EYA2: variants seen among roughly 807,000 people sequenced by gnomAD.
EYA2 encodes EYA transcriptional coactivator and phosphatase 2.
EYA2 carries 31 observed loss-of-function variants against 69.2 expected under a neutral mutation model. The ratio of observed to expected loss-of-function variants is 0.45; its 90% confidence interval spans 0.34 to 0.60. The LOEUF (loss-of-function observed/expected upper bound fraction) is 0.60, where lower values mean the gene tolerates loss of function less well. Among genes scored for constraint, EYA2 ranks in the 20% least tolerant of loss-of-function variants. The pLI is 0.02. For synonymous variants in EYA2, 257 were observed against 279.4 expected (o/e 0.92, Z 0.80); for missense variants, 622 against 701.2 (o/e 0.89, Z 1.28).
intron 9 of EYA2, chr20:47,117,458 C>A (rs907783268): frequency 1.0e-6 from 1 of 985,152 alleles, no homozygotes; most frequent in Non-Finnish European, 1.2e-6. Context: ...CACAGCTCCT[C>A]GACCGGCTCC....
At chr20:47,136,100 C>A (rs76465411) in intron 9 of EYA2, among the ~76,000 whole-genome samples, 2,682 of 152,126 alleles carry the variant, frequency 0.018, 119 homozygotes, top group East Asian at 0.17. Context: ...TTCATTAAAA[C>A]AATTTTTTGG....
chr20:47,074,487 G>A (rs972071944), intron 7 of EYA2, 152 bp downstream of exon 7: 6 of 740,150 alleles, frequency 8.1e-6, no homozygotes, highest in African/African-American at 5.3e-5. Flanking sequence ...GAGGGACCTG[G>A]ATATGGGTCC....
At chr20:46,934,032 G>C (rs1225861550) in intron 1 of EYA2, among the ~76,000 whole-genome samples, 2 of 152,250 alleles carry the variant, frequency 1.3e-5, no homozygotes, top group Non-Finnish European at 2.9e-5. Flanking sequence ...GACCTCACGT[G>C]ACAGTGCCAG....
intron 9 of EYA2, among the ~76,000 whole-genome samples, chr20:47,107,997 T>TG (rs1338217185): frequency 1.3e-5 from 2 of 152,158 alleles, no homozygotes; most frequent in Non-Finnish European, 2.9e-5. Flanking sequence ...GCAAAGGCCC[T>TG]GCAGCAGAAG....
chr20:47,084,900 A>T (rs2031844808), intron 7 of EYA2, among the ~76,000 whole-genome samples: 1 of 143,662 alleles, frequency 7.0e-6, no homozygotes, highest in Non-Finnish European at 1.5e-5. Context: ...CAGTGGTGTG[A>T]TCATAGCTCA....
At chr20:47,099,666 A>G (rs1249953382) in intron 9 of EYA2, among the ~76,000 whole-genome samples, 4 of 152,168 alleles carry the variant, frequency 2.6e-5, no homozygotes, top group Admixed American at 6.5e-5. Flanking sequence ...ATAATCTAAG[A>G]TGTTCTAGAA....
chr20:47,113,856 G>GTTTTT (rs35238851), intron 9 of EYA2, among the ~76,000 whole-genome samples: 1 of 147,668 alleles, frequency 6.8e-6, no homozygotes. Context: ...TCCTAGATGG[G>GTTTTT]TTTTTTTTTT....
At chr20:47,152,566 C>G (rs909222170) in intron 10 of EYA2, among the ~76,000 whole-genome samples, 8 of 151,752 alleles carry the variant, frequency 5.3e-5, no homozygotes, top group Non-Finnish European at 1.2e-4. Flanking sequence ...AATCCCAGCA[C>G]TTTGGGAGGC....
intron 10 of EYA2, among the ~76,000 whole-genome samples, chr20:47,164,772 G>A (rs2034146518): frequency 6.6e-6 from 1 of 152,144 alleles, no homozygotes; most frequent in South Asian, 2.1e-4. Flanking sequence ...AAAATCTGGA[G>A]AGAGAACAAG....
At chr20:47,063,983 C>T (rs1392444796) in intron 5 of EYA2, among the ~76,000 whole-genome samples, 5 of 152,194 alleles carry the variant, frequency 3.3e-5, no homozygotes, top group African/African-American at 1.2e-4. Context: ...ACAACAGGGT[C>T]TCACTCCCAT....
intron 1 of EYA2, among the ~76,000 whole-genome samples, chr20:46,909,675 G>T (rs765368451): frequency 1.3e-5 from 2 of 152,230 alleles, no homozygotes; most frequent in African/African-American, 4.8e-5. Flanking sequence ...TGTTCAAGAG[G>T]ATTCTGTACT....
intron 13 of EYA2, 97 bp downstream of exon 13, chr20:47,180,009 T>A: frequency 1.2e-6 from 1 of 817,096 alleles, no homozygotes; most frequent in Non-Finnish European, 2.0e-6. Flanking sequence ...ATTGGACTCC[T>A]CAAACTCTCA....
At chr20:47,107,502 G>A (rs2032616582) in intron 9 of EYA2, among the ~76,000 whole-genome samples, 1 of 133,880 alleles carries the variant, frequency 7.5e-6, no homozygotes, top group South Asian at 2.4e-4. Context: ...CTCCAGCCTA[G>A]ACAACAGAGT....
chr20:46,938,033 T>C (rs1057309676), intron 1 of EYA2, among the ~76,000 whole-genome samples: 1 of 152,294 alleles, frequency 6.6e-6, no homozygotes, highest in African/African-American at 2.4e-5. Flanking sequence ...ACGCAGAAAC[T>C]GAGGCAAAGA....
chr20:47,098,138 A>G (rs530941359), intron 9 of EYA2, among the ~76,000 whole-genome samples: 1 of 152,366 alleles, frequency 6.6e-6, no homozygotes. Flanking sequence ...TGTTGTAAAG[A>G]ATATAAAAAT....
intron 15 of EYA2, among the ~76,000 whole-genome samples, chr20:47,184,071 T>C (rs2034589339): frequency 6.6e-6 from 1 of 152,186 alleles, no homozygotes; most frequent in Non-Finnish European, 1.5e-5. Flanking sequence ...AGGGAAGCCC[T>C]AGGGTCCTGG....
chr20:47,115,756 CTCCA>C (rs1218127528), intron 9 of EYA2, among the ~76,000 whole-genome samples: 1 of 152,218 alleles, frequency 6.6e-6, no homozygotes, highest in Non-Finnish European at 1.5e-5. Flanking sequence ...GTGCCACCTT[CTCCA>C]TCCTCACCCG....
rs187352462 is a variant in EYA2, at chr20:47,137,650, A to C, written c.889-5409A>C. ...GGTTTATAGTAGGGCTGCATTCAGC[A>C]GGCAGCCCAGGATGAAACTGATGGC... On this transcript the variant is annotated intron_variant, in intron 9 of 15. Transcript: ENST00000327619. Among the ~76,000 whole-genome samples, 739 of 152,360 alleles carry C rather than the reference A, an allele frequency of 4.9e-3. 4 individuals are homozygous for C. Among genetic ancestry groups the C allele is most frequent in the Middle Eastern group, 0.024 (7 of 294 alleles).
At chr20:47,113,457 G>A (rs2032807481) in intron 9 of EYA2, among the ~76,000 whole-genome samples, 1 of 152,206 alleles carries the variant, frequency 6.6e-6, no homozygotes, top group Admixed American at 6.5e-5. Flanking sequence ...AGCCCACCAA[G>A]CCACCTGCAG....
Sources: gnomAD v4.1 joint callset for allele counts (sites outside exome capture counted in the v4.1 genomes callset) on GRCh38, gnomAD v4.1.1 for gene constraint, MANE v1.5 for transcripts, NCBI Gene and HGNC (gene_info 2026-07-23, HGNC 2026-07-21) for gene names.